Variants in CAMK2D observed in about 807,000 individuals in gnomAD.
CAMK2D encodes calcium/calmodulin dependent protein kinase II delta.
Under a neutral mutation model 84.0 loss-of-function variants are expected in CAMK2D, and 37 were observed. The ratio of observed to expected loss-of-function variants is 0.44; its 90% CI spans 0.34 to 0.58. CAMK2D has a LOEUF of 0.58. Ranked by LOEUF, CAMK2D falls within the 20% of genes least tolerant of loss-of-function variation. The pLI is 0.02. For missense variants in CAMK2D, 448 were observed against 652.5 expected, an observed-to-expected ratio of 0.69 and a Z score of 3.41; for synonymous variants, 202 against 212.5, an observed-to-expected ratio of 0.95 and a Z score of 0.43.
At chr4:113,614,989 T>A (rs573381366) in intron 3 of CAMK2D, among the ~76,000 whole-genome samples, 1 of 152,320 alleles carries the variant, frequency 6.6e-6, no homozygotes, top group Admixed American at 6.5e-5. Flanking sequence ...TATATCCTCA[T>A]AATCATTGTT....
At chr4:113,736,740 A>G (rs2099582227) in intron 2 of CAMK2D, among the ~76,000 whole-genome samples, 1 of 152,174 alleles carries the variant, frequency 6.6e-6, no homozygotes, top group Non-Finnish European at 1.5e-5. Context: ...TAAGTGAAAA[A>G]TAATTATGAA....
At chr4:113,504,200 T>C (rs957312290) in intron 14 of CAMK2D, among the ~76,000 whole-genome samples, 2 of 152,194 alleles carry the variant, frequency 1.3e-5, no homozygotes, top group Admixed American at 1.3e-4. Flanking sequence ...AATCAAAATA[T>C]GAAACAGTTT....
chr4:113,740,135 C>T (rs2099589455), intron 2 of CAMK2D, among the ~76,000 whole-genome samples: 1 of 152,032 alleles, frequency 6.6e-6, no homozygotes, highest in Non-Finnish European at 1.5e-5. Flanking sequence ...GTATGTACAG[C>T]ATTTCCTCCA....
chr4:113,596,442 C>T (rs972268704), intron 4 of CAMK2D, among the ~76,000 whole-genome samples: 1 of 152,182 alleles, frequency 6.6e-6, no homozygotes, highest in East Asian at 1.9e-4. Context: ...TGTCAATTTA[C>T]TTTGCTCAGA....
chr4:113,715,206 CA>C (rs2099509739), intron 2 of CAMK2D, among the ~76,000 whole-genome samples: 1 of 151,998 alleles, frequency 6.6e-6, no homozygotes, highest in Non-Finnish European at 1.5e-5. Context: ...CTTGATCTAG[CA>C]ACTTTTGTTG....
At chr4:113,587,864 A>G (rs2098841051) in intron 4 of CAMK2D, among the ~76,000 whole-genome samples, 1 of 152,132 alleles carries the variant, frequency 6.6e-6, no homozygotes, top group African/African-American at 2.4e-5. Context: ...ATACCCTTCG[A>G]AAAAGTCTGT....
chr4:113,753,024 T>G (rs1047379842), intron 2 of CAMK2D, among the ~76,000 whole-genome samples: 1 of 152,064 alleles, frequency 6.6e-6, no homozygotes, highest in Non-Finnish European at 1.5e-5. Flanking sequence ...ATAAGTCCTC[T>G]CTAATAGCAA....
chr4:113,512,195 C>A (rs1449512150), intron 12 of CAMK2D, among the ~76,000 whole-genome samples: 1 of 152,312 alleles, frequency 6.6e-6, no homozygotes, highest in East Asian at 1.9e-4. Flanking sequence ...CTTCCCCCTA[C>A]ATAAGACTGC....
intron 16 of CAMK2D, among the ~76,000 whole-genome samples, chr4:113,480,462 C>G (rs747459406): frequency 5.3e-5 from 8 of 152,136 alleles, no homozygotes; most frequent in Non-Finnish European, 1.2e-4. Context: ...CTACAAAGTC[C>G]ATGTTGCACC....
At chr4:113,612,576 T>A (rs988321757) in intron 3 of CAMK2D, among the ~76,000 whole-genome samples, 2 of 152,170 alleles carry the variant, frequency 1.3e-5, no homozygotes, top group African/African-American at 2.4e-5. Flanking sequence ...CACATATGAG[T>A]GGACGCAATT....
intron 16 of CAMK2D, among the ~76,000 whole-genome samples, chr4:113,474,583 T>C (rs2154121614): frequency 6.9e-6 from 1 of 144,366 alleles, no homozygotes; most frequent in South Asian, 2.3e-4. Flanking sequence ...CTAACTCTGC[T>C]AATCAATTTT....
intron 3 of CAMK2D, among the ~76,000 whole-genome samples, chr4:113,619,271 C>G (rs890834927): frequency 6.6e-6 from 1 of 152,136 alleles, no homozygotes; most frequent in Non-Finnish European, 1.5e-5. Flanking sequence ...TCTACTGTTA[C>G]AAGCCTGATC....
At chr4:113,483,953 T>TCAAGTAAA (rs2097734551) in intron 16 of CAMK2D, among the ~76,000 whole-genome samples, 1 of 152,182 alleles carries the variant, frequency 6.6e-6, no homozygotes, top group Non-Finnish European at 1.5e-5. Flanking sequence ...ATTGGTTAAG[T>TCAAGTAAA]CAAGTAAACA....
chr4:113,716,508 A>G (rs1308287847), intron 2 of CAMK2D, among the ~76,000 whole-genome samples: 1 of 151,896 alleles, frequency 6.6e-6, no homozygotes, highest in Non-Finnish European at 1.5e-5. Flanking sequence ...AAAATTAGCC[A>G]CATGTGGTGG....
intron 16 of CAMK2D, among the ~76,000 whole-genome samples, chr4:113,473,921 C>A (rs12503836): frequency 2.4e-4 from 37 of 151,074 alleles, no homozygotes; most frequent in Admixed American, 7.2e-4. Context: ...TACCTTTGAC[C>A]GGAAATGGAA....
chr4:113,510,493 T>G (rs1273514119), intron 12 of CAMK2D, among the ~76,000 whole-genome samples: 1 of 152,154 alleles, frequency 6.6e-6, no homozygotes, highest in East Asian at 1.9e-4. Flanking sequence ...TTCCTTCTGT[T>G]ACTAAACTTC....
At chr4:113,715,776 AT>A (rs1432866914) in intron 2 of CAMK2D, among the ~76,000 whole-genome samples, 1 of 152,176 alleles carries the variant, frequency 6.6e-6, no homozygotes, top group Non-Finnish European at 1.5e-5. Context: ...TGATCAAGTA[AT>A]TTCTCTTTTC....
chr4:113,688,980 C>T (rs1402729610), intron 2 of CAMK2D, among the ~76,000 whole-genome samples: 6 of 147,008 alleles, frequency 4.1e-5, no homozygotes, highest in South Asian at 2.2e-4. Flanking sequence ...TGCAGTGGCT[C>T]ATGCCTGTAA....
rs2098110880 is a variant in CAMK2D, at chr4:113,504,956, T to A, written c.1044+20A>T. The A allele has an allele frequency of 6.8e-7, 1 of 1,472,368 alleles. No individual in the cohort carries two copies. The highest frequency in any genetic ancestry group is 2.4e-5 in the East Asian group (1 of 41,140). The allele number at this position is 1,472,368 out of a possible 1,614,324, so 91.2% of individuals were successfully genotyped here. A position where few individuals can be genotyped will look rare whatever the true frequency, so the allele number is the denominator to read the frequency against. On this transcript the variant is annotated intron_variant, in intron 14 of 20. Coordinates refer to ENST00000511664, the MANE Select transcript of CAMK2D (RefSeq NM_001321571.2). ...AAAATGTAAAGAACTTAAGAAGGGT[T>A]ACAAAGAGTCCAGGTATACCAGCGC...
Sources: gnomAD v4.1 joint callset for allele counts (sites outside exome capture counted in the v4.1 genomes callset) on GRCh38, gnomAD v4.1.1 for gene constraint, MANE v1.5 for transcripts, NCBI Gene and HGNC (gene_info 2026-07-23, HGNC 2026-07-21) for gene names.